LIPH: variants seen among roughly 807,000 people sequenced by gnomAD.
LIPH encodes the protein lipase member H.
Under a neutral mutation model 47.6 loss-of-function variants are expected in LIPH, and 32 were observed. The observed-to-expected ratio is 0.67, with a 90% CI of 0.51 to 0.90. The LOEUF (loss-of-function observed/expected upper bound fraction) is 0.90, where lower values mean the gene tolerates loss of function less well. Among genes scored for constraint, LIPH ranks in the 40% least tolerant of loss-of-function variants. LIPH has a pLI of 0.00. For synonymous variants in LIPH, 190 were observed against 195.6 expected (o/e 0.97, Z 0.24); for missense variants, 497 against 541.4 (o/e 0.92, Z 0.81).
chr3:185,517,155 A>C lies in LIPH; in HGVS notation c.894T>G (p.Tyr298Ter), dbSNP rs1429879493. The change falls in exon 7 of 10, where the codon TAT becomes TAG. Residue 298 changes from tyrosine (Y) to a stop codon, truncating the protein, a stop_gained. Transcript: ENST00000296252. LOFTEE classifies it high-confidence loss of function. ...TTAGATGGTCTTTCCAATTATCAGC[A>C]TAATAGCCTATGAAACAAGTTTAAA... Reference protein sequence around the residue: ...QKESCPLLGYYADNWKDHLRG... With the variant: ...QKESCPLLGY 6.4e-7 allele frequency: 1 copy of C among 1,572,386 alleles called. No homozygotes were observed. Among genetic ancestry groups the C allele is most frequent in the South Asian group, 1.1e-5 (1 of 90,164 alleles).
At chr3:185,522,512 G>GAAGAAAGGAAGGGA (rs1719923694) in intron 5 of LIPH, among the ~76,000 whole-genome samples, 3 of 149,544 alleles carry the variant, frequency 2.0e-5, no homozygotes, top group Non-Finnish European at 3.0e-5. Flanking sequence ...AGGAAGGAGG[G>GAAGAAAGGAAGGGA]AAGGAAGGAA....
chr3:185,548,428 A>C (rs200033276), intron 1 of LIPH, among the ~76,000 whole-genome samples: 7,135 of 149,542 alleles, frequency 0.048, 268 homozygotes, highest in East Asian at 0.23. Flanking sequence ...AAAAAACAAC[A>C]AAAAAAAACT....
intron 1 of LIPH, among the ~76,000 whole-genome samples, chr3:185,540,943 C>T (rs1049242459): frequency 2.0e-5 from 3 of 152,142 alleles, no homozygotes; most frequent in African/African-American, 7.2e-5. Flanking sequence ...GCCATGTGTT[C>T]TGCTGCTGAT....
chr3:185,546,576 A>T (rs926296333), intron 1 of LIPH, among the ~76,000 whole-genome samples: 3 of 152,102 alleles, frequency 2.0e-5, no homozygotes, highest in African/African-American at 7.2e-5. Context: ...AGGTAGGAGG[A>T]TCACTTGAGC....
Position 185,519,193 on chromosome 3 carries a change from C to T in LIPH, c.835G>A (p.Gly279Ser). The change falls in exon 6 of 10, where the codon GGC (glycine) becomes AGC (serine). Residue 279 changes from glycine to serine, a missense_variant. Gly to Ser is a moderately conservative substitution (Grantham distance 56, BLOSUM62 0). Coordinates refer to ENST00000296252, the MANE Select transcript of LIPH (RefSeq NM_139248.3). ...PCDSYQDYRN[G>S]KCVSCGTSQK... ...GACGTGCCGCAGCTGACACACTTGC[C>T]ATTCCTATAATCCTGGTAGGAGTCA... 6.2e-7 allele frequency: 1 copy of T among 1,613,988 alleles called. No individual in the cohort carries two copies. Among genetic ancestry groups the T allele is most frequent in the Non-Finnish European group, 8.5e-7 (1 of 1,179,886 alleles).
At chr3:185,515,549 C>T (rs755408959) in intron 7 of LIPH, among the ~76,000 whole-genome samples, 29 of 151,660 alleles carry the variant, frequency 1.9e-4, no homozygotes, top group Non-Finnish European at 3.7e-4. Flanking sequence ...CTCTGTGTTG[C>T]CCAGGCTGGA....
rs1488125707 is a variant in LIPH at position 185,511,455 on chromosome 3, A to G, written c.1268+69T>C. ...AGAGTCTTATTAACACATCAGACCA[A>G]GCAGATTGGACAGGATCCAGCAACA... On this transcript the variant is annotated intron_variant, in intron 9 of 9. Transcript: ENST00000296252. The G allele has an allele frequency of 4.5e-5, 63 of 1,400,394 alleles. No homozygotes were observed. In the Admixed American group the frequency reaches 1.0e-3, roughly 23 times the overall value. 86.7% of individuals were successfully genotyped at this position (1,400,394 alleles called of 1,614,324 possible). A position where few individuals can be genotyped will look rare whatever the true frequency, so the allele number is the denominator to read the frequency against.
intron 4 of LIPH, among the ~76,000 whole-genome samples, chr3:185,526,040 C>T (rs1203058595): frequency 1.3e-5 from 2 of 152,012 alleles, no homozygotes; most frequent in African/African-American, 4.8e-5. Context: ...TCACCCAACC[C>T]CACATGACAC....
At chr3:185,521,480 C>T (rs900760538) in intron 5 of LIPH, among the ~76,000 whole-genome samples, 15 of 152,170 alleles carry the variant, frequency 9.9e-5, no homozygotes, top group Admixed American at 5.9e-4. Flanking sequence ...CGGTCTGGTA[C>T]TGTTCAGTGC....
chr3:185,523,956 A>G lies in LIPH; in HGVS notation c.718+115T>C, dbSNP rs1057482398. ...AGGCTCGTCTCAAACTCCTGACCTC[A>G]GGTGATCCACCCGTCTCGGCCTCCC... On this transcript the variant is annotated intron_variant, in intron 5 of 9. Coordinates refer to ENST00000296252, the MANE Select transcript of LIPH (RefSeq NM_139248.3). 134 of 699,936 alleles carry G rather than the reference A, an allele frequency of 1.9e-4. No homozygotes were observed. The East Asian group carries it at 3.7e-3, about 19-fold the overall frequency. The allele number at this position is 699,936 out of a possible 1,614,324, so 43.4% of individuals were successfully genotyped here. A position where few individuals can be genotyped will look rare whatever the true frequency, so the allele number is the denominator to read the frequency against.
intron 1 of LIPH, among the ~76,000 whole-genome samples, chr3:185,543,628 C>T (rs1184347042): frequency 6.6e-6 from 1 of 152,056 alleles, no homozygotes; most frequent in Non-Finnish European, 1.5e-5. Context: ...CGCCTGTAAT[C>T]CCAGTGTTCT....
chr3:185,540,348 T>C (rs566933116), intron 1 of LIPH, among the ~76,000 whole-genome samples: 9 of 152,318 alleles, frequency 5.9e-5, no homozygotes, highest in African/African-American at 1.9e-4. Flanking sequence ...TTCTTTTGTA[T>C]GTATGTGTTC....
chr3:185,542,482 A>C (rs1187508803), intron 1 of LIPH, among the ~76,000 whole-genome samples: 1 of 151,806 alleles, frequency 6.6e-6, no homozygotes, highest in Non-Finnish European at 1.5e-5. Context: ...ACGTTCTGCT[A>C]ATTTTTGTAT....
At chr3:185,532,192 T>A (rs1720351692) in intron 3 of LIPH, among the ~76,000 whole-genome samples, 1 of 151,824 alleles carries the variant, frequency 6.6e-6, no homozygotes, top group Non-Finnish European at 1.5e-5. Flanking sequence ...CAACATAAAC[T>A]CTTGAAGGAA....
In LIPH at chr3:185,533,961, C is replaced by T. The variant is rs550023457; in HGVS notation, c.418-282G>A. ...TCTGTCTGCTGGGCCCAGTGGCCCA[C>T]GCTTGTAATCCCAGCCCCGTGGGAG... is the stretch of plus-strand genomic sequence containing the variant. On this transcript the variant is annotated intron_variant, in intron 2 of 9. Coordinates refer to ENST00000296252, the MANE Select transcript of LIPH (RefSeq NM_139248.3). Among the ~76,000 whole-genome samples the T allele has an allele frequency of 1.4e-4, 21 of 152,296 alleles. No homozygotes were observed. In the South Asian group the frequency reaches 3.5e-3, roughly 26 times the overall value.
At chr3:185,550,004 G>T (rs1429967518) in intron 1 of LIPH, among the ~76,000 whole-genome samples, 1 of 152,128 alleles carries the variant, frequency 6.6e-6, no homozygotes, top group Non-Finnish European at 1.5e-5. Context: ...TTGTTCACTG[G>T]TAAGATTATG....
In LIPH at chr3:185,517,070, A is replaced by G; in HGVS notation, c.979T>C (p.Cys327Arg). 6.2e-7 allele frequency: 1 copy of G among 1,604,084 alleles called. No homozygotes were observed. The highest frequency in any genetic ancestry group is 8.5e-7 in the Non-Finnish European group (1 of 1,170,808). Reference sequence around the variant, plus strand: ...AACAACCACATTCACCACTCACTGCAGAATGGGCTCTCCTCAGCTGTGTCA... The same window carrying G: ...AACAACCACATTCACCACTCACTGCGGAATGGGCTCTCCTCAGCTGTGTCA... Reference protein sequence around the residue: ...FFDTAEESPFCMYHYFVDIIT... With the variant: ...FFDTAEESPFRMYHYFVDIIT... Residue 327 changes from cysteine to arginine, a missense_variant, in exon 7 of 10, where the codon TGC (cysteine) becomes CGC (arginine). Physicochemically the swap from Cys to Arg is radical, Grantham distance 180. Coordinates refer to ENST00000296252, the MANE Select transcript of LIPH (RefSeq NM_139248.3).
chr3:185,539,772 T>C (rs1720645053), intron 1 of LIPH, among the ~76,000 whole-genome samples: 1 of 152,232 alleles, frequency 6.6e-6, no homozygotes, highest in Non-Finnish European at 1.5e-5. Context: ...TTAACATTTA[T>C]TGGCATAACA....
intron 6 of LIPH, among the ~76,000 whole-genome samples, chr3:185,517,582 A>G (rs1478665062): frequency 6.6e-6 from 1 of 152,216 alleles, no homozygotes; most frequent in African/African-American, 2.4e-5. Context: ...CCTAAATTGC[A>G]TAGACCTGGG....
Sources: gnomAD v4.1 joint callset for allele counts (sites outside exome capture counted in the v4.1 genomes callset) on GRCh38, gnomAD v4.1.1 for gene constraint, MANE v1.5 for transcripts, NCBI Gene and HGNC (gene_info 2026-07-23, HGNC 2026-07-21) for gene names.